The following IFI44L variants were observed in gnomAD, a reference collection of about 807,000 sequenced individuals.
IFI44L encodes interferon-induced protein 44-like.
A neutral mutation model predicts 39.3 loss-of-function variants in IFI44L; 40 were observed. The ratio of observed to expected loss-of-function variants is 1.02; its 90% CI spans 0.79 to 1.33. The LOEUF is 1.33. Ranked by LOEUF, IFI44L falls within the 40% of genes most tolerant of loss-of-function variation. The probability of loss-of-function intolerance (pLI) is 0.00; values close to 1 mark genes in which losing one functional copy is unlikely to be tolerated. For synonymous variants in IFI44L, 198 were observed against 182.3 expected (o/e 1.09, Z -0.69); for missense variants, 623 against 549.0 (o/e 1.13, Z -1.35).
At position 78,641,762 on chromosome 1, in the gene IFI44L, G is replaced by A; in HGVS notation, c.1325-13G>A. 1 of 1,613,598 alleles carries A rather than the reference G, an allele frequency of 6.2e-7. No homozygotes were observed. The highest frequency in any genetic ancestry group is 8.5e-7 in the Non-Finnish European group (1 of 1,179,620). ...ATATGTTTCATTTCCACTCTTGTTT[G>A]TTTCATTTTCAGGTGCAATTGAGAG... On this transcript the variant is annotated splice_polypyrimidine_tract_variant and intron_variant, in intron 8 of 8. Coordinates refer to ENST00000370751, the MANE Select transcript of IFI44L (RefSeq NM_006820.4).
At chr1:78,632,064 T>A (rs924822299) in intron 4 of IFI44L, among the ~76,000 whole-genome samples, 6 of 152,204 alleles carry the variant, frequency 3.9e-5, no homozygotes, top group African/African-American at 1.4e-4. Flanking sequence ...GTACTTCTAA[T>A]GCATATTGAA....
At chr1:78,637,618 C>G (rs993098281) in intron 6 of IFI44L, among the ~76,000 whole-genome samples, 1 of 152,138 alleles carries the variant, frequency 6.6e-6, no homozygotes, top group African/African-American at 2.4e-5. Context: ...ATGGCACCCA[C>G]TATTCCTCCA....
rs569746809 is a variant in IFI44L, at chr1:78,641,859, G to A, written c.*50G>A. 47 of 1,568,296 alleles carry A rather than the reference G, an allele frequency of 3.0e-5. No individual in the cohort carries two copies. Among genetic ancestry groups the A allele is most frequent in the African/African-American group, 1.8e-4 (13 of 73,806 alleles). Reference sequence around the variant, plus strand: ...TTGGCCCAGCCTGTACTGGTGTGCCGCAATGAGAGTCAATCTCTATTGACA... The same window carrying A: ...TTGGCCCAGCCTGTACTGGTGTGCCACAATGAGAGTCAATCTCTATTGACA... On this transcript the variant is annotated 3_prime_UTR_variant, in exon 9 of 9. Transcript: ENST00000370751.
intron 1 of IFI44L, among the ~76,000 whole-genome samples, chr1:78,623,396 GTTTTTTT>G (rs71078508): frequency 7.6e-4 from 92 of 121,308 alleles, no homozygotes; most frequent in South Asian, 1.2e-3. Context: ...AGTGTTTTTT[GTTTTTTT>G]TTTTTTTTTT....
At position 78,645,034 on chromosome 1, in the gene IFI44L, T is replaced by A. The variant is rs1438124476; in HGVS notation, c.*3225T>A. ...ATAAGTATGTTCCTTTAGTCTTGCT[T>A]CCTGTGTGCCACACTGCCCCTCCAC... is the stretch of plus-strand genomic sequence containing the variant. On this transcript the variant is annotated 3_prime_UTR_variant, in exon 9 of 9. Transcript: ENST00000370751. 1.3e-5 allele frequency: 2 copies of A among 152,150 alleles called. No individual in the cohort carries two copies. Among genetic ancestry groups the A allele is most frequent in the Admixed American group, 6.6e-5 (1 of 15,258 alleles). 9.4% of individuals were successfully genotyped at this position (152,150 alleles called of 1,614,324 possible).
chr1:78,645,152 G>A lies in IFI44L; in HGVS notation c.*3343G>A, dbSNP rs1222387224. On this transcript the variant is annotated 3_prime_UTR_variant, in exon 9 of 9. Coordinates refer to ENST00000370751, the MANE Select transcript of IFI44L (RefSeq NM_006820.4). ...ATTTTCCTGGAATTTGATACAGAGA[G>A]CAATTTATAGCCAATTGATAGCTTA... The A allele has an allele frequency of 1.3e-5, 2 of 152,150 alleles. No individual in the cohort carries two copies. The highest frequency in any genetic ancestry group is 2.9e-5 in the Non-Finnish European group (2 of 68,032). The allele number at this position is 152,150 out of a possible 1,614,324, so 9.4% of individuals were successfully genotyped here.
rs771170696 is a variant in IFI44L at position 78,641,755 on chromosome 1, CTT to C, written c.1325-19_1325-18del. ...TTAGGATATATGTTTCATTTCCACT[CTT>C]GTTTGTTTCATTTTCAGGTGCAATT... On this transcript the variant is annotated intron_variant, in intron 8 of 8. Coordinates refer to ENST00000370751, the MANE Select transcript of IFI44L (RefSeq NM_006820.4). 6.0e-5 allele frequency: 96 copies of C among 1,613,388 alleles called. No homozygotes were observed. Among genetic ancestry groups the C allele is most frequent in the Non-Finnish European group, 7.7e-5 (91 of 1,179,534 alleles).
intron 1 of IFI44L, chr1:78,626,128 CT>C (rs1652478506): frequency 6.6e-6 from 1 of 151,650 alleles, no homozygotes; most frequent in South Asian, 2.1e-4. Flanking sequence ...GCCCTTTTCT[CT>C]TTTTATTCTT....
chr1:78,623,396 GTTTTTTTTTT>G lies in IFI44L; in HGVS notation c.-11+2846_-11+2855del, dbSNP rs71078508. 1.9e-3 allele frequency among the ~76,000 whole-genome samples: 231 copies of G among 121,290 alleles called. 1 individual carries two copies. The East Asian group carries it at 0.04, about 21-fold the overall frequency. The allele number at this position is 121,290 out of a possible 152,430, so 79.6% of individuals were successfully genotyped here. ...TCTACTCCTGGTTTAAGTGTTTTTTGTTTTTTTTTTTTTTTTTTTTTTTTTTTTTTAAATC... is the reference window on the plus strand; with the variant it reads ...TCTACTCCTGGTTTAAGTGTTTTTTGTTTTTTTTTTTTTTTTTTTTAAATC... On this transcript the variant is annotated intron_variant, in intron 1 of 8. Coordinates refer to ENST00000370751, the MANE Select transcript of IFI44L (RefSeq NM_006820.4).
intron 4 of IFI44L, among the ~76,000 whole-genome samples, chr1:78,634,297 G>A (rs1652859430): frequency 6.6e-6 from 1 of 151,964 alleles, no homozygotes; most frequent in African/African-American, 2.4e-5. Context: ...AAATATCAAA[G>A]ACAAAGAGAG....
In IFI44L at chr1:78,643,164, T is replaced by A. The variant is rs1485898112; in HGVS notation, c.*1355T>A. The A allele has an allele frequency of 2.0e-5, 3 of 151,578 alleles. No homozygotes were observed. Among genetic ancestry groups the A allele is most frequent in the Admixed American group, 6.6e-5 (1 of 15,202 alleles). The allele number at this position is 151,578 out of a possible 1,614,324, so 9.4% of individuals were successfully genotyped here. On this transcript the variant is annotated 3_prime_UTR_variant, in exon 9 of 9. Transcript: ENST00000370751. Reference sequence around the variant, plus strand: ...ATTAAGAAAGCAAGAGTTTCTTATGTCCAGTTATGGAATATTTCCTAAAGC... The same window carrying A: ...ATTAAGAAAGCAAGAGTTTCTTATGACCAGTTATGGAATATTTCCTAAAGC...
intron 1 of IFI44L, among the ~76,000 whole-genome samples, chr1:78,624,449 G>T (rs1652407162): frequency 6.6e-6 from 1 of 152,124 alleles, no homozygotes; most frequent in Non-Finnish European, 1.5e-5. Context: ...ACTTGATATG[G>T]TTTCAATCTT....
At chr1:78,622,436 A>G (rs186786076) in intron 1 of IFI44L, among the ~76,000 whole-genome samples, 18 of 152,254 alleles carry the variant, frequency 1.2e-4, no homozygotes, top group African/African-American at 3.9e-4. Flanking sequence ...TAACATATTG[A>G]CCATACTAAA....
intron 3 of IFI44L, among the ~76,000 whole-genome samples, chr1:78,629,351 A>C (rs1475618717): frequency 6.6e-6 from 1 of 152,160 alleles, no homozygotes; most frequent in Non-Finnish European, 1.5e-5. Flanking sequence ...AGATAGCTAC[A>C]TTGCATATAT....
intron 1 of IFI44L, chr1:78,620,814 T>G (rs1652246436): frequency 6.6e-6 from 1 of 152,218 alleles, no homozygotes; most frequent in African/African-American, 2.4e-5. Flanking sequence ...AAGAACTTAT[T>G]CCTTCTATGT....
rs1250859212 is a variant in IFI44L at position 78,645,558 on chromosome 1, T to A, written c.*3749T>A. Reference sequence around the variant, plus strand: ...AAGCCCCATATGCTTAATGATCAGCTGATGAATAATCATCTCCTAGCAACA... The same window carrying A: ...AAGCCCCATATGCTTAATGATCAGCAGATGAATAATCATCTCCTAGCAACA... On this transcript the variant is annotated 3_prime_UTR_variant, in exon 9 of 9. Transcript: ENST00000370751. 1 of 152,200 alleles carries A rather than the reference T, an allele frequency of 6.6e-6. No homozygotes were observed. Among genetic ancestry groups the A allele is most frequent in the Non-Finnish European group, 1.5e-5 (1 of 68,030 alleles). 9.4% of individuals were successfully genotyped at this position (152,200 alleles called of 1,614,324 possible).
intron 8 of IFI44L, 35 bp from the exon 9 acceptor site, chr1:78,641,740 T>C: frequency 1.2e-6 from 2 of 1,612,720 alleles, no homozygotes; most frequent in Non-Finnish European, 1.7e-6. Context: ...TTAGGATATA[T>C]GTTTCATTTC....
intron 6 of IFI44L, 152 bp downstream of exon 6, chr1:78,637,355 A>T: frequency 1.7e-6 from 1 of 601,920 alleles, no homozygotes; most frequent in Non-Finnish European, 2.8e-6. Context: ...CACAGGCATG[A>T]CTGAAGAAAG....
chr1:78,627,037 T>C (rs954794509), intron 1 of IFI44L: 3 of 152,044 alleles, frequency 2.0e-5, no homozygotes, highest in African/African-American at 7.2e-5. Flanking sequence ...ATGATTTTTA[T>C]CTCCCTAACT....
Sources: gnomAD v4.1 joint callset for allele counts (sites outside exome capture counted in the v4.1 genomes callset) on GRCh38, gnomAD v4.1.1 for gene constraint, MANE v1.5 for transcripts, NCBI Gene and HGNC (gene_info 2026-07-23, HGNC 2026-07-21) for gene names.